Variants in GIP observed in about 807,000 individuals in gnomAD.
The protein encoded by GIP is gastric inhibitory polypeptide, also known as glucose-dependent insulinotropic polypeptide.
Under a neutral mutation model 18.1 loss-of-function variants are expected in GIP, and 16 were observed. The ratio of observed to expected loss-of-function variants is 0.88; its 90% confidence interval spans 0.60 to 1.34. The LOEUF is 1.34. GIP is among the 40% of genes most tolerant of loss of function. The probability of loss-of-function intolerance (pLI) is 0.00; values close to 1 mark genes in which losing one functional copy is unlikely to be tolerated. For synonymous variants in GIP, 76 were observed against 74.0 expected, an observed-to-expected ratio of 1.03 and a Z score of -0.14; for missense variants, 192 against 183.4, an observed-to-expected ratio of 1.05 and a Z score of -0.27.
At chr17:48,963,129 A>T (rs2041210571) in intron 3 of GIP, among the ~76,000 whole-genome samples, 1 of 151,910 alleles carries the variant, frequency 6.6e-6, no homozygotes, top group African/African-American at 2.4e-5. Context: ...GAAGTAAAGG[A>T]TTAGGGAATA....
chr17:48,960,679 TTTTTTCTTTGTA>T (rs2143845667), intron 5 of GIP, among the ~76,000 whole-genome samples, 195 bp downstream of exon 5: 1 of 152,272 alleles, frequency 6.6e-6, no homozygotes, highest in South Asian at 2.1e-4. Flanking sequence ...TTCTTTTGTT[TTTTTTCTTTGTA>T]TTTTTCCACT....
chr17:48,959,443 C>A (rs572230082), intron 5 of GIP, among the ~76,000 whole-genome samples: 1 of 152,280 alleles, frequency 6.6e-6, no homozygotes, highest in South Asian at 2.1e-4. Context: ...TCCCTCAATC[C>A]CTCCCTAGCT....
At chr17:48,961,463 C>T (rs1042071301) in intron 4 of GIP, among the ~76,000 whole-genome samples, 1 of 152,152 alleles carries the variant, frequency 6.6e-6, no homozygotes, top group Middle Eastern at 3.2e-3. Context: ...GACTCAGTGA[C>T]TGTGCTGTGC....
At chr17:48,964,597 A>G in intron 2 of GIP, 117 bp from the exon 3 acceptor site, 1 of 838,434 alleles carries the variant, frequency 1.2e-6, no homozygotes, top group African/African-American at 1.7e-5. Flanking sequence ...GTTTTTATGG[A>G]GACTCCCTGT....
chr17:48,965,604 C>CAAAAAA (rs33918974), intron 2 of GIP, among the ~76,000 whole-genome samples: 1 of 84,212 alleles, frequency 1.2e-5, no homozygotes, highest in African/African-American at 4.9e-5. Flanking sequence ...GACTCCATCT[C>CAAAAAA]AAAAAAAAAA....
intron 2 of GIP, 134 bp from the exon 3 acceptor site, chr17:48,964,614 A>C (rs1598104581): frequency 4.5e-6 from 3 of 662,460 alleles, no homozygotes; most frequent in Non-Finnish European, 7.7e-6. Flanking sequence ...CTGTGGATCC[A>C]CTCCCCCACC....
At chr17:48,964,109 G>A (rs2041218349) in intron 3 of GIP, among the ~76,000 whole-genome samples, 1 of 139,046 alleles carries the variant, frequency 7.2e-6, no homozygotes, top group Non-Finnish European at 1.5e-5. Flanking sequence ...GCAGTGAGCC[G>A]AGATCGCGCC....
chr17:48,965,400 T>C (rs542809344), intron 2 of GIP, among the ~76,000 whole-genome samples: 5 of 147,644 alleles, frequency 3.4e-5, no homozygotes, highest in Admixed American at 6.8e-5. Context: ...GTCAGGAGAT[T>C]GAGACCATCC....
At chr17:48,965,389 A>G (rs8079149) in intron 2 of GIP, among the ~76,000 whole-genome samples, 79,998 of 148,140 alleles carry the variant, frequency 0.54, 23,235 homozygotes, top group African/African-American at 0.77. Context: ...TGGATCACAA[A>G]GTCAGGAGAT....
intron 5 of GIP, among the ~76,000 whole-genome samples, chr17:48,959,529 T>G (rs2041187881): frequency 6.6e-6 from 1 of 152,126 alleles, no homozygotes; most frequent in Non-Finnish European, 1.5e-5. Flanking sequence ...TCTCACCCTT[T>G]AGGTGGACAG....
In GIP at chr17:48,958,579, A is replaced by C. The variant is rs916105073; in HGVS notation, c.*128T>G. 1 of 766,216 alleles carries C rather than the reference A, an allele frequency of 1.3e-6. No individual in the cohort carries two copies. Among genetic ancestry groups the C allele is most frequent in the African/African-American group, 1.7e-5 (1 of 57,242 alleles). 47.5% of individuals were successfully genotyped at this position (766,216 alleles called of 1,614,324 possible). Reference sequence around the variant, plus strand: ...TTAGTGCTCAGTAGTCATTTTAATAAATTTTCACAATGGGCTCGACTTAGC... The same window carrying C: ...TTAGTGCTCAGTAGTCATTTTAATACATTTTCACAATGGGCTCGACTTAGC... On this transcript the variant is annotated 3_prime_UTR_variant, in exon 6 of 6. Coordinates refer to ENST00000357424, the MANE Select transcript of GIP (RefSeq NM_004123.3).
At chr17:48,961,085 T>TG (rs984647581) in intron 4 of GIP, 98 bp from the exon 5 acceptor site, 4 of 710,038 alleles carry the variant, frequency 5.6e-6, no homozygotes, top group Non-Finnish European at 6.9e-6. Context: ...CAGCCGCGGA[T>TG]GGGGGGAGGG....
chr17:48,964,226 T>G, intron 3 of GIP, 84 bp downstream of exon 3: 3 of 975,706 alleles, frequency 3.1e-6, no homozygotes, highest in Non-Finnish European at 4.8e-6. Flanking sequence ...ATGTGGCCTG[T>G]GTGGCCACAG....
intron 3 of GIP, 151 bp downstream of exon 3, chr17:48,964,159 C>CA (rs11380752): frequency 0.2 from 71,387 of 353,388 alleles, 5,311 homozygotes; most frequent in African/African-American, 0.39. Context: ...GACTCCATCT[C>CA]AAAAAAAAAA....
At chr17:48,965,393 A>G (rs1049122086) in intron 2 of GIP, among the ~76,000 whole-genome samples, 6 of 150,254 alleles carry the variant, frequency 4.0e-5, no homozygotes, top group Non-Finnish European at 8.9e-5. Context: ...TCACAAAGTC[A>G]GGAGATTGAG....
chr17:48,964,685 T>C (rs796498302), intron 2 of GIP, among the ~76,000 whole-genome samples: 8 of 152,246 alleles, frequency 5.3e-5, no homozygotes, highest in African/African-American at 1.9e-4. Context: ...TGTGTGTGGC[T>C]CTGGATTCTG....
Position 48,965,157 on chromosome 17 carries a change from C to T in GIP, c.87-677G>A, listed in dbSNP as rs182782940. Among the ~76,000 whole-genome samples, 306 of 112,056 alleles carry T rather than the reference C, an allele frequency of 2.7e-3. 4 individuals carry two copies. Among genetic ancestry groups the T allele is most frequent in the African/African-American group, 0.013 (293 of 22,478 alleles). 73.5% of individuals were successfully genotyped at this position (112,056 alleles called of 152,430 possible). A position where few individuals can be genotyped will look rare whatever the true frequency, so the allele number is the denominator to read the frequency against. On this transcript the variant is annotated intron_variant, in intron 2 of 5. Coordinates refer to ENST00000357424, the MANE Select transcript of GIP (RefSeq NM_004123.3). ...CCGTCTCAAAAAAAAAAAAATTAGC[C>T]AGGCGTGGTGGCACATGCCTGTAAT... is the stretch of plus-strand genomic sequence containing the variant.
chr17:48,965,611 A>AAAG (rs1788230923), intron 2 of GIP, among the ~76,000 whole-genome samples: 1 of 150,638 alleles, frequency 6.6e-6, no homozygotes, highest in African/African-American at 2.4e-5. Context: ...TCTCAAAAAA[A>AAAG]AAAAAAAAAA....
rs1335122657 is a variant in GIP, at chr17:48,967,203, C to T, written c.30G>A (p.Leu10=). The T allele has an allele frequency of 2.5e-6, 4 of 1,614,108 alleles. No homozygotes were observed. In the East Asian group the frequency reaches 8.9e-5, roughly 36 times the overall value. Residue 10 remains leucine, a synonymous_variant, in exon 2 of 6, where the codon CTG becomes CTA. Transcript: ENST00000357424. ...CCACTGCCAGGAACAGGGACAGCAGCAGCAGAGCAAAGGTCTTCGTGGCCA... is the reference window on the plus strand; with the variant it reads ...CCACTGCCAGGAACAGGGACAGCAGTAGCAGAGCAAAGGTCTTCGTGGCCA... MVATKTFAL[L]LLSLFLAVGL...
Sources: gnomAD v4.1 joint callset for allele counts (sites outside exome capture counted in the v4.1 genomes callset) on GRCh38, gnomAD v4.1.1 for gene constraint, MANE v1.5 for transcripts, NCBI Gene and HGNC (gene_info 2026-07-23, HGNC 2026-07-21) for gene names.